Variants in FRAS1 observed in about 807,000 individuals in gnomAD.
The protein encoded by FRAS1 is extracellular matrix organizing protein FRAS1.
Under a neutral mutation model 435.2 loss-of-function variants are expected in FRAS1, and 290 were observed. The ratio of observed to expected loss-of-function variants is 0.67; its 90% CI spans 0.61 to 0.73. FRAS1 has a LOEUF of 0.73. Among genes scored for constraint, FRAS1 ranks in the 30% least tolerant of loss-of-function variants. FRAS1 has a pLI of 0.00. For missense variants in FRAS1, 4,860 were observed against 5,001.5 expected (o/e 0.97, Z 0.85); for synonymous variants, 1,800 against 1,851.0 (o/e 0.97, Z 0.71).
chr4:78,423,553 G>A (rs1021611608), intron 34 of FRAS1, among the ~76,000 whole-genome samples: 2 of 152,176 alleles, frequency 1.3e-5, no homozygotes, highest in Admixed American at 1.3e-4. Context: ...ATACACAAAA[G>A]TGGTGATTTC....
chr4:78,301,828 T>G (rs1728411928), intron 14 of FRAS1, among the ~76,000 whole-genome samples: 1 of 151,576 alleles, frequency 6.6e-6, no homozygotes, highest in Non-Finnish European at 1.5e-5. Flanking sequence ...GAAGTTGTAC[T>G]TCTGGCCCAC....
In FRAS1 at chr4:78,374,327, T is replaced by TC. The variant is rs928951403; in HGVS notation, c.3151+78dup. The TC allele has an allele frequency of 6.5e-6, 9 of 1,374,146 alleles. No homozygotes were observed. In the Middle Eastern group the frequency reaches 7.2e-4, roughly 110 times the overall value. The allele number at this position is 1,374,146 out of a possible 1,614,324, so 85.1% of individuals were successfully genotyped here. A position where few individuals can be genotyped will look rare whatever the true frequency, so the allele number is the denominator to read the frequency against. ...AGTCACATGTGCTGACTCTCAGGTA[T>TC]CCAAGAATACTTAAATTAGAAAGCA... On this transcript the variant is annotated intron_variant, in intron 25 of 73. Coordinates refer to ENST00000512123, the MANE Select transcript of FRAS1 (RefSeq NM_025074.7).
At position 78,424,368 on chromosome 4, in the gene FRAS1, T is replaced by C. The variant is rs762764135; in HGVS notation, c.4679-20T>C. ...ATCCCAAAGTGTTTAATATACTGATTGTCTCTCTTACTCTTTTAGGTCTCC... is the reference window on the plus strand; with the variant it reads ...ATCCCAAAGTGTTTAATATACTGATCGTCTCTCTTACTCTTTTAGGTCTCC... On this transcript the variant is annotated intron_variant, in intron 34 of 73. Coordinates refer to ENST00000512123, the MANE Select transcript of FRAS1 (RefSeq NM_025074.7). 1.4e-6 allele frequency: 2 copies of C among 1,419,516 alleles called. No individual in the cohort carries two copies. The highest frequency in any genetic ancestry group is 1.9e-6 in the Non-Finnish European group (2 of 1,050,692). 87.9% of individuals were successfully genotyped at this position (1,419,516 alleles called of 1,614,324 possible).
intron 3 of FRAS1, among the ~76,000 whole-genome samples, chr4:78,241,289 G>A (rs1724993754): frequency 6.6e-6 from 1 of 152,150 alleles, no homozygotes; most frequent in Non-Finnish European, 1.5e-5. Flanking sequence ...TGACTAGACT[G>A]CAATGCCTGT....
chr4:78,093,115 C>A (rs552208562), intron 2 of FRAS1, among the ~76,000 whole-genome samples: 1 of 152,192 alleles, frequency 6.6e-6, no homozygotes, highest in Non-Finnish European at 1.5e-5. Flanking sequence ...AAATTCTGAA[C>A]CCAAGTCTGT....
intron 41 of FRAS1, among the ~76,000 whole-genome samples, chr4:78,441,792 G>A (rs990220302): frequency 3.3e-5 from 5 of 152,130 alleles, no homozygotes; most frequent in African/African-American, 1.2e-4. Context: ...TTCTGTCTCA[G>A]CTCCTTCTAC....
chr4:78,373,446 CTAATAATAATAATAATAA>C (rs3086797), intron 24 of FRAS1, among the ~76,000 whole-genome samples: 6 of 138,914 alleles, frequency 4.3e-5, no homozygotes, highest in African/African-American at 1.1e-4. Flanking sequence ...GAGCCAAGGA[CTAATAATAATAATAATAA>C]TAATAATAAT....
At chr4:78,173,629 A>G (rs1721646032) in intron 2 of FRAS1, among the ~76,000 whole-genome samples, 1 of 152,214 alleles carries the variant, frequency 6.6e-6, no homozygotes, top group Admixed American at 6.5e-5. Flanking sequence ...GTTATTTCAT[A>G]CAGGTATTTT....
At position 78,201,450 on chromosome 4, in the gene FRAS1, C is replaced by T. The variant is rs114688274; in HGVS notation, c.109-36060C>T. On this transcript the variant is annotated intron_variant, in intron 2 of 73. Coordinates refer to ENST00000512123, the MANE Select transcript of FRAS1 (RefSeq NM_025074.7). ...TTGTTTCACAGATGGGGAATCTTGA[C>T]TTGCTTTGGATAAGAAACCCATGGG... is the stretch of plus-strand genomic sequence containing the variant. Among the ~76,000 whole-genome samples, 76 of 152,280 alleles carry T rather than the reference C, an allele frequency of 5.0e-4. 1 individual carries two copies. The highest frequency in any genetic ancestry group is 1.7e-3 in the African/African-American group (72 of 41,552).
At position 78,488,862 on chromosome 4, in the gene FRAS1, T is replaced by A. The variant is rs1408801426; in HGVS notation, c.8753-13T>A. 1.2e-6 allele frequency: 2 copies of A among 1,609,250 alleles called. No individual in the cohort carries two copies. Among genetic ancestry groups the A allele is most frequent in the African/African-American group, 1.3e-5 (1 of 74,964 alleles). ...CACTAATGGTGCGTCTGTCTTTCTG[T>A]CTGCCCACCTAGTGCCCAGCATGCA... is the stretch of plus-strand genomic sequence containing the variant. On this transcript the variant is annotated splice_polypyrimidine_tract_variant and intron_variant, in intron 58 of 73. Coordinates refer to ENST00000512123, the MANE Select transcript of FRAS1 (RefSeq NM_025074.7).
chr4:78,483,616 T>G (rs1720077334), intron 58 of FRAS1, among the ~76,000 whole-genome samples: 1 of 151,826 alleles, frequency 6.6e-6, no homozygotes, highest in Non-Finnish European at 1.5e-5. Flanking sequence ...ATTTCATGTA[T>G]ATAGTAGTAA....
At chr4:78,097,188 C>A (rs1171054488) in intron 2 of FRAS1, among the ~76,000 whole-genome samples, 3 of 152,214 alleles carry the variant, frequency 2.0e-5, no homozygotes, top group Non-Finnish European at 4.4e-5. Flanking sequence ...CAGTTCCCAA[C>A]AAGTTTCTCA....
chr4:78,392,018 A>G (rs1463417894), intron 29 of FRAS1, among the ~76,000 whole-genome samples: 1 of 152,206 alleles, frequency 6.6e-6, no homozygotes, highest in Non-Finnish European at 1.5e-5. Context: ...TGTTCAATTC[A>G]GTATCTCATA....
chr4:78,536,868 C>T, intron 71 of FRAS1, 127 bp from the exon 72 acceptor site: 1 of 639,334 alleles, frequency 1.6e-6, no homozygotes, highest in Non-Finnish European at 2.7e-6. Flanking sequence ...CACATGGAAT[C>T]ATGGAGCTCT....
At chr4:78,314,558 G>A (rs345520) in intron 15 of FRAS1, among the ~76,000 whole-genome samples, 116,920 of 152,154 alleles carry the variant, frequency 0.77, 45,719 homozygotes, top group African/African-American at 0.91. Flanking sequence ...AAATACAGCC[G>A]TGTTTCTACT....
At chr4:78,166,981 C>T (rs137981318) in intron 2 of FRAS1, among the ~76,000 whole-genome samples, 1 of 152,288 alleles carries the variant, frequency 6.6e-6, no homozygotes, top group East Asian at 1.9e-4. Flanking sequence ...GAGCACAACT[C>T]CTCTTTCAAA....
chr4:78,426,185 A>G (rs1733991534), intron 35 of FRAS1, among the ~76,000 whole-genome samples: 1 of 152,196 alleles, frequency 6.6e-6, no homozygotes, highest in African/African-American at 2.4e-5. Context: ...TGAGCATGGA[A>G]TAGCTAGTTT....
At chr4:78,459,164 A>G (rs1236253205) in intron 47 of FRAS1, among the ~76,000 whole-genome samples, 2 of 152,192 alleles carry the variant, frequency 1.3e-5, no homozygotes, top group African/African-American at 2.4e-5. Flanking sequence ...TGTCTTTTAA[A>G]AGGACCCCAA....
At chr4:78,273,160 T>C (rs766441595) in intron 9 of FRAS1, among the ~76,000 whole-genome samples, 2 of 152,214 alleles carry the variant, frequency 1.3e-5, no homozygotes, top group Non-Finnish European at 2.9e-5. Flanking sequence ...TGCATATCGA[T>C]TTTGTATCCT....
Sources: gnomAD v4.1 joint callset for allele counts (sites outside exome capture counted in the v4.1 genomes callset) on GRCh38, gnomAD v4.1.1 for gene constraint, MANE v1.5 for transcripts, NCBI Gene and HGNC (gene_info 2026-07-23, HGNC 2026-07-21) for gene names.